The following LARGE1 variants were observed in gnomAD, a reference collection of about 807,000 sequenced individuals.
LARGE1 encodes xylosyl- and glucuronyltransferase LARGE1.
A neutral mutation model predicts 87.6 loss-of-function variants in LARGE1; 43 were observed. The observed-to-expected ratio is 0.49, with a 90% CI of 0.38 to 0.63. LARGE1 has a LOEUF of 0.63. Ranked by LOEUF, LARGE1 falls within the 30% of genes least tolerant of loss-of-function variation. LARGE1 has a pLI of 0.00. For missense variants in LARGE1, 802 were observed against 1,000.2 expected, an observed-to-expected ratio of 0.80 and a Z score of 2.67; for synonymous variants, 434 against 394.6, an observed-to-expected ratio of 1.10 and a Z score of -1.18.
At chr22:33,265,449 G>A (rs1927882332) in intron 11 of LARGE1, among the ~76,000 whole-genome samples, 1 of 152,122 alleles carries the variant, frequency 6.6e-6, no homozygotes, top group African/African-American at 2.4e-5. Context: ...CCTGAATAGA[G>A]TCTCACTTAC....
At chr22:33,642,709 G>GAAAAAAAAAAAAAAAAAA (rs2080477002) in intron 3 of LARGE1, among the ~76,000 whole-genome samples, 1 of 11,176 alleles carries the variant, frequency 8.9e-5, no homozygotes, top group African/African-American at 5.3e-4. Context: ...CAAATGGAAA[G>GAAAAAAAAAAAAAAAAAA]CAAAAAAAAA....
chr22:33,542,810 GA>G (rs758728417), intron 6 of LARGE1, among the ~76,000 whole-genome samples: 4 of 152,002 alleles, frequency 2.6e-5, no homozygotes, highest in Non-Finnish European at 5.9e-5. Context: ...GTCACTCAGT[GA>G]AGCACTTACT....
At chr22:33,141,194 T>TCTCTCTCA in the LARGE1 span, among the ~76,000 whole-genome samples, 2 of 141,738 alleles carry the variant, frequency 1.4e-5, no homozygotes, top group African/African-American at 5.4e-5. Context: ...TCTCTCTCTC[T>TCTCTCTCA]CACACACACA....
chr22:33,906,103 C>A (rs1195218295), intron 1 of LARGE1, among the ~76,000 whole-genome samples: 1 of 152,026 alleles, frequency 6.6e-6, no homozygotes, highest in African/African-American at 2.4e-5. Flanking sequence ...GCACTCCGGC[C>A]TGGGCAACGG....
chr22:33,217,941 T>C (rs1602106526), intron 11 of LARGE1, among the ~76,000 whole-genome samples: 2 of 151,824 alleles, frequency 1.3e-5, no homozygotes. Context: ...TTTTTTTCTT[T>C]TTTTTTTAGA....
chr22:33,304,583 T>C (rs1934619527), intron 11 of LARGE1, 76 bp from the exon 12 acceptor site: 2 of 1,419,594 alleles, frequency 1.4e-6, no homozygotes, highest in African/African-American at 1.4e-5. Flanking sequence ...TGTGGGGCTC[T>C]GCCTCCAGTG....
At chr22:33,399,636 C>T (rs1351210874) in intron 7 of LARGE1, among the ~76,000 whole-genome samples, 1 of 152,122 alleles carries the variant, frequency 6.6e-6, no homozygotes, top group Non-Finnish European at 1.5e-5. Context: ...GCAAGCTCCA[C>T]CTCCCGGGTT....
At chr22:33,555,401 T>C (rs2077645872) in intron 6 of LARGE1, among the ~76,000 whole-genome samples, 2 of 151,588 alleles carry the variant, frequency 1.3e-5, no homozygotes, top group South Asian at 4.2e-4. Flanking sequence ...TGATGAGTCC[T>C]CTTGAAAAAA....
At chr22:33,595,089 T>C (rs531467586) in intron 5 of LARGE1, among the ~76,000 whole-genome samples, 1 of 152,302 alleles carries the variant, frequency 6.6e-6, no homozygotes, top group African/African-American at 2.4e-5. Context: ...AAAACACATG[T>C]CCTCTCTGTG....
chr22:33,282,986 T>A (rs1439543758), intron 13 of LARGE1, among the ~76,000 whole-genome samples: 1 of 152,122 alleles, frequency 6.6e-6, no homozygotes. Flanking sequence ...ACACATAACG[T>A]CTGTCATCCA....
At chr22:33,351,418 ATTAC>A in intron 9 of LARGE1, among the ~76,000 whole-genome samples, 1 of 152,330 alleles carries the variant, frequency 6.6e-6, no homozygotes. Context: ...CAACCATACT[ATTAC>A]TTATTTTTAG....
intron 2 of LARGE1, among the ~76,000 whole-genome samples, chr22:33,697,928 A>G (rs1366888245): frequency 6.6e-6 from 1 of 152,226 alleles, no homozygotes; most frequent in Non-Finnish European, 1.5e-5. Flanking sequence ...AGCAATAAGC[A>G]TATCTTTCTG....
intron 2 of LARGE1, among the ~76,000 whole-genome samples, chr22:33,704,365 C>G (rs2082495343): frequency 6.6e-6 from 1 of 152,228 alleles, no homozygotes; most frequent in South Asian, 2.1e-4. Context: ...CTGATGATTG[C>G]TGTATGGCTA....
intron 1 of LARGE1, among the ~76,000 whole-genome samples, chr22:33,764,415 A>G (rs2283941): frequency 0.52 from 79,039 of 151,826 alleles, 21,669 homozygotes; most frequent in African/African-American, 0.7. Flanking sequence ...ACCTACACCT[A>G]TCCTCCTATA....
chr22:33,321,146 T>C (rs1395022705), intron 10 of LARGE1: 1 of 152,250 alleles, frequency 6.6e-6, no homozygotes, highest in Non-Finnish European at 1.5e-5. Flanking sequence ...TTCTGAAAGA[T>C]GCTGCATATA....
chr22:33,326,111 A>G (rs980753430), intron 10 of LARGE1, among the ~76,000 whole-genome samples: 4 of 152,204 alleles, frequency 2.6e-5, no homozygotes, highest in Admixed American at 2.6e-4. Context: ...TTACTAAGGA[A>G]ACCAAACTAT....
chr22:33,416,233 T>A (rs1024797097), intron 7 of LARGE1, among the ~76,000 whole-genome samples: 3 of 152,178 alleles, frequency 2.0e-5, no homozygotes, highest in African/African-American at 2.4e-5. Flanking sequence ...GCACATACCC[T>A]ACAAGCTGCA....
At chr22:33,685,372 G>A (rs2081913876) in intron 2 of LARGE1, among the ~76,000 whole-genome samples, 1 of 152,170 alleles carries the variant, frequency 6.6e-6, no homozygotes, top group Non-Finnish European at 1.5e-5. Context: ...GTAGTCAAAT[G>A]TGCATCCCTA....
intron 9 of LARGE1, among the ~76,000 whole-genome samples, chr22:33,376,299 AG>A (rs1395730505): frequency 3.3e-5 from 5 of 152,234 alleles, no homozygotes; most frequent in Admixed American, 3.3e-4. Context: ...TTGCCTATAG[AG>A]CAAATTGCTA....
Sources: gnomAD v4.1 joint callset for allele counts (sites outside exome capture counted in the v4.1 genomes callset) on GRCh38, gnomAD v4.1.1 for gene constraint, MANE v1.5 for transcripts, NCBI Gene and HGNC (gene_info 2026-07-23, HGNC 2026-07-21) for gene names.